GRIN2A: variants seen among roughly 807,000 people sequenced by gnomAD.
GRIN2A encodes glutamate receptor ionotropic, NMDA 2A.
GRIN2A carries 22 observed loss-of-function variants against 113.4 expected under a neutral mutation model. The ratio of observed to expected loss-of-function variants is 0.19; its 90% CI spans 0.14 to 0.28. The LOEUF (loss-of-function observed/expected upper bound fraction) is 0.28. GRIN2A is among the 10% of genes least tolerant of loss of function. The probability of loss-of-function intolerance (pLI) is 1.00; values close to 1 mark genes in which losing one functional copy is unlikely to be tolerated. For missense variants in GRIN2A, 1,502 were observed against 1,887.0 expected, an observed-to-expected ratio of 0.80 and a Z score of 3.78; for synonymous variants, 827 against 738.4, an observed-to-expected ratio of 1.12 and a Z score of -1.94.
intron 2 of GRIN2A, chr16:10,111,539 C>T (rs1302842404): frequency 6.5e-6 from 5 of 771,486 alleles, no homozygotes; most frequent in Admixed American, 1.7e-5. Context: ...GACCTAACTT[C>T]AGCCCTGACC....
At chr16:9,901,880 C>T (rs1447787827) in intron 3 of GRIN2A, among the ~76,000 whole-genome samples, 2 of 152,216 alleles carry the variant, frequency 1.3e-5, no homozygotes, top group African/African-American at 4.8e-5. Context: ...GAATCTTGTC[C>T]TGTCTCCCTG....
At chr16:10,035,131 A>C (rs1169800188) in intron 2 of GRIN2A, among the ~76,000 whole-genome samples, 2 of 151,490 alleles carry the variant, frequency 1.3e-5, no homozygotes, top group Non-Finnish European at 2.9e-5. Flanking sequence ...GCTCCAGTGA[A>C]CCTCCTGCCT....
At chr16:9,860,272 A>G (rs1331165870) in intron 4 of GRIN2A, among the ~76,000 whole-genome samples, 3 of 151,778 alleles carry the variant, frequency 2.0e-5, no homozygotes, top group Non-Finnish European at 4.4e-5. Flanking sequence ...CCTGGCCAAC[A>G]TGGTGAAACC....
intron 2 of GRIN2A, among the ~76,000 whole-genome samples, chr16:10,163,582 C>T (rs1294253929): frequency 1.3e-5 from 2 of 152,160 alleles, no homozygotes; most frequent in East Asian, 3.9e-4. Context: ...TGAATAGCCA[C>T]ATCTTCCAGG....
intron 11 of GRIN2A, among the ~76,000 whole-genome samples, chr16:9,780,636 T>C (rs774933909): frequency 6.6e-6 from 1 of 151,886 alleles, no homozygotes; most frequent in Non-Finnish European, 1.5e-5. Flanking sequence ...TGGGTGGGAG[T>C]TGCACAGCTG....
rs1016267690 is a variant in GRIN2A at position 9,757,782 on chromosome 16, T to A, written c.*5367A>T. On this transcript the variant is annotated 3_prime_UTR_variant, in exon 13 of 13. Transcript: ENST00000330684. The stretch of plus-strand genomic sequence containing the variant: ...GACGGTCTCTGAGAAAAGTTTTCTC[T>A]TCTAGGAACTTTAAGACAGGGATTG... The A allele has an allele frequency of 5.4e-5, 12 of 220,270 alleles. No homozygotes were observed. The highest frequency in any genetic ancestry group is 2.5e-4 in the African/African-American group (11 of 44,644). 13.6% of individuals were successfully genotyped at this position (220,270 alleles called of 1,614,324 possible).
intron 2 of GRIN2A, among the ~76,000 whole-genome samples, chr16:10,028,077 G>A (rs541056151): frequency 2.6e-5 from 4 of 152,262 alleles, no homozygotes; most frequent in South Asian, 4.2e-4. Context: ...TGAAAATGCC[G>A]ACATCATCCT....
chr16:10,097,529 C>G (rs188820004), intron 2 of GRIN2A, among the ~76,000 whole-genome samples: 3 of 152,256 alleles, frequency 2.0e-5, no homozygotes, highest in African/African-American at 7.2e-5. Flanking sequence ...TGGCAGAGAA[C>G]ACTTTTGCTC....
intron 2 of GRIN2A, among the ~76,000 whole-genome samples, chr16:10,077,925 T>TC (rs1428084790): frequency 6.6e-6 from 1 of 152,182 alleles, no homozygotes; most frequent in Non-Finnish European, 1.5e-5. Flanking sequence ...GTCTCCAAGG[T>TC]AAACTCAGGC....
intron 4 of GRIN2A, among the ~76,000 whole-genome samples, chr16:9,872,073 A>G (rs1039038756): frequency 3.9e-5 from 6 of 152,340 alleles, no homozygotes; most frequent in Middle Eastern, 3.4e-3. Context: ...AAGAGAGATC[A>G]TGCATCTAAA....
At chr16:10,173,179 G>A (rs2050077932) in intron 2 of GRIN2A, among the ~76,000 whole-genome samples, 1 of 152,230 alleles carries the variant, frequency 6.6e-6, no homozygotes, top group African/African-American at 2.4e-5. Flanking sequence ...AAAGACTAAA[G>A]ATAGGTCTCC....
Position 9,755,687 on chromosome 16 carries a change from T to A in GRIN2A, c.*7462A>T, listed in dbSNP as rs1900322206. ...AGAGGGGGGAATGCAGGAAAGGCAG[T>A]GTGTGCTCAGGGGCATGCCTGCAGG... On this transcript the variant is annotated 3_prime_UTR_variant, in exon 13 of 13. Transcript: ENST00000330684. 3 of 204,306 alleles carry A rather than the reference T, an allele frequency of 1.5e-5. No individual in the cohort carries two copies. The Admixed American group carries it at 1.8e-4, about 12-fold the overall frequency. The allele number at this position is 204,306 out of a possible 1,614,324, so 12.7% of individuals were successfully genotyped here. A position where few individuals can be genotyped will look rare whatever the true frequency, so the allele number is the denominator to read the frequency against.
At chr16:9,979,797 ATATATATATATATATG>A (rs1202805785) in intron 2 of GRIN2A, among the ~76,000 whole-genome samples, 2 of 145,104 alleles carry the variant, frequency 1.4e-5, no homozygotes, top group African/African-American at 5.0e-5. Context: ...ATATATATAT[ATATATATATATATATG>A]TATATGTATG....
intron 2 of GRIN2A, among the ~76,000 whole-genome samples, chr16:9,964,119 T>C (rs1227284976): frequency 6.6e-6 from 1 of 152,214 alleles, no homozygotes; most frequent in African/African-American, 2.4e-5. Context: ...CAGCAGAGAT[T>C]GCAGGTGACT....
intron 4 of GRIN2A, among the ~76,000 whole-genome samples, chr16:9,863,906 G>T (rs2043115750): frequency 6.6e-6 from 1 of 152,072 alleles, no homozygotes; most frequent in Admixed American, 6.5e-5. Flanking sequence ...AATGCATATA[G>T]GTCTGCAAAA....
rs554634932 is a variant in GRIN2A at position 9,937,133 on chromosome 16, C to T, written c.1007+826G>A. Among the ~76,000 whole-genome samples, 182 of 152,032 alleles carry T rather than the reference C, an allele frequency of 1.2e-3. 1 individual carries two copies. Among genetic ancestry groups the T allele is most frequent in the African/African-American group, 3.9e-3 (160 of 41,458 alleles). On this transcript the variant is annotated intron_variant, in intron 3 of 12. Transcript: ENST00000330684. The stretch of plus-strand genomic sequence containing the variant: ...TGATGAATTCTTGAGGTGATGAAAA[C>T]CCCATTTACCCTGATGTGATTATCA...
At chr16:9,845,771 C>T (rs2042762028) in intron 5 of GRIN2A, among the ~76,000 whole-genome samples, 1 of 152,198 alleles carries the variant, frequency 6.6e-6, no homozygotes, top group Non-Finnish European at 1.5e-5. Context: ...TCTGTGTGAG[C>T]TAAAGTAACC....
intron 2 of GRIN2A, among the ~76,000 whole-genome samples, chr16:10,066,130 A>G (rs2047644061): frequency 2.0e-5 from 3 of 152,338 alleles, no homozygotes; most frequent in South Asian, 4.1e-4. Flanking sequence ...AAAGCAGACG[A>G]TGCTCTTCAT....
At chr16:9,961,088 G>C (rs564172422) in intron 2 of GRIN2A, among the ~76,000 whole-genome samples, 1 of 152,292 alleles carries the variant, frequency 6.6e-6, no homozygotes, top group African/African-American at 2.4e-5. Context: ...ATATATGTAT[G>C]ACTTTAGCAC....
Sources: allele counts gnomAD v4.1 joint callset (sites outside exome capture counted in the v4.1 genomes callset), GRCh38; gene constraint gnomAD v4.1.1; transcripts MANE v1.5; gene names NCBI Gene and HGNC (gene_info 2026-07-23, HGNC 2026-07-21).